AGAP1: variants seen among roughly 807,000 people sequenced by gnomAD.
AGAP1 encodes the protein arf-GAP with GTPase, ANK repeat and PH domain-containing protein 1.
In AGAP1, 29 loss-of-function variants were observed where a neutral mutation model predicts 105.3. That is an observed-to-expected ratio of 0.28 (90% CI 0.21 to 0.38). The LOEUF (loss-of-function observed/expected upper bound fraction) is 0.38, where lower values mean the gene tolerates loss of function less well. Ranked by LOEUF, AGAP1 falls within the 10% of genes least tolerant of loss-of-function variation. AGAP1 has a pLI of 1.00. For missense variants in AGAP1, 998 were observed against 1,165.1 expected, an observed-to-expected ratio of 0.86 and a Z score of 2.09; for synonymous variants, 509 against 485.9, an observed-to-expected ratio of 1.05 and a Z score of -0.63.
chr2:236,016,799 C>G (rs142973311), intron 13 of AGAP1, among the ~76,000 whole-genome samples: 6 of 152,168 alleles, frequency 3.9e-5, no homozygotes, highest in African/African-American at 1.2e-4. Flanking sequence ...CCTGGGGATA[C>G]TAAATAGTGA....
chr2:235,826,935 G>C (rs1282919311), intron 9 of AGAP1, among the ~76,000 whole-genome samples: 1 of 152,120 alleles, frequency 6.6e-6, no homozygotes, highest in Non-Finnish European at 1.5e-5. Context: ...CACTAACTTT[G>C]ATTAAGTTAG....
chr2:235,730,969 C>A (rs188355221), intron 3 of AGAP1, among the ~76,000 whole-genome samples: 1 of 152,274 alleles, frequency 6.6e-6, no homozygotes, highest in Admixed American at 6.5e-5. Flanking sequence ...AGCTTACCCC[C>A]AACCCCCAGC....
In AGAP1 at chr2:235,867,942, T is replaced by C. The variant is rs1389506836; in HGVS notation, c.1051-15403T>C. ...GTTTGGTTCCTGTCAGCCACAGTTT[T>C]AATACATGTTTATAGGGGGAAAAAT... On this transcript the variant is annotated intron_variant, in intron 9 of 17. Transcript: ENST00000304032. This position sits in a 1 kb window ranked among gnomAD's most constrained non-coding sequence, Gnocchi z 5.4. Among the ~76,000 whole-genome samples, 2 of 152,192 alleles carry C rather than the reference T, an allele frequency of 1.3e-5. No individual in the cohort carries two copies. The highest frequency in any genetic ancestry group is 1.9e-4 in the East Asian group (1 of 5,196).
In AGAP1 at chr2:235,951,825, A is replaced by G. The variant is rs1282871385; in HGVS notation, c.1484-16637A>G. Among the ~76,000 whole-genome samples, 2 of 152,100 alleles carry G rather than the reference A, an allele frequency of 1.3e-5. No individual in the cohort carries two copies. Among genetic ancestry groups the G allele is most frequent in the Non-Finnish European group, 2.9e-5 (2 of 68,020 alleles). On this transcript the variant is annotated intron_variant, in intron 12 of 17. Transcript: ENST00000304032. This position sits in a 1 kb window ranked among gnomAD's most constrained non-coding sequence, Gnocchi z 4.2. ...ACACAGGCAGTTTTTACACCAGCCA[A>G]ACTTAGAGCTTCATAAATGCAGGAA...
chr2:235,940,365 C>G (rs1415830562), intron 12 of AGAP1, among the ~76,000 whole-genome samples: 1 of 152,192 alleles, frequency 6.6e-6, no homozygotes, highest in African/African-American at 2.4e-5. Flanking sequence ...ATTGCCACTC[C>G]CCACACCCAC....
Position 236,001,644 on chromosome 2 carries a change from G to A in AGAP1, c.1645+33021G>A, listed in dbSNP as rs919096369. On this transcript the variant is annotated intron_variant, in intron 13 of 17. Transcript: ENST00000304032. The surrounding 1 kb of genome is among the most constrained non-coding windows in gnomAD (Gnocchi z 4.7). ...GAGGCCAGGGCCGGGAGACCAGGAG[G>A]CCGAGAGCGGTAGAACGTCACATCC... is the stretch of plus-strand genomic sequence containing the variant. Among the ~76,000 whole-genome samples, 1 of 152,180 alleles carries A rather than the reference G, an allele frequency of 6.6e-6. No homozygotes were observed. Among genetic ancestry groups the A allele is most frequent in the South Asian group, 2.1e-4 (1 of 4,832 alleles).
In AGAP1 at chr2:236,124,061, A is replaced by G. The variant is rs763263091; in HGVS notation, c.2513A>G (p.Asn838Ser). ...CGCTTCGTGCTCATGGCCACCCCTA[A>G]CCTGTCCAGGAGAAACAATAACCGG... Reference protein sequence around the residue: ...DERFVLMATPNLSRRNNNRNN... With the variant: ...DERFVLMATPSLSRRNNNRNN... Residue 838 changes from asparagine (N) to serine (S), a missense_variant, in exon 18 of 18, where the codon AAC becomes AGC. Physicochemically the swap from Asn to Ser is conservative, Grantham distance 46. Transcript: ENST00000304032. The surrounding 1 kb of genome is among the most constrained non-coding windows in gnomAD (Gnocchi z 5.1). 4.0e-5 allele frequency: 65 copies of G among 1,613,852 alleles called. No homozygotes were observed. The highest frequency in any genetic ancestry group is 1.7e-4 in the Admixed American group (10 of 59,986).
At chr2:235,760,498 A>T (rs1291371097) in intron 6 of AGAP1, among the ~76,000 whole-genome samples, 1 of 152,276 alleles carries the variant, frequency 6.6e-6, no homozygotes, top group African/African-American at 2.4e-5. Context: ...TCCTTAAATC[A>T]TCCAAGTGTT....
intron 16 of AGAP1, among the ~76,000 whole-genome samples, chr2:236,116,720 C>CTG (rs2059780174): frequency 6.6e-6 from 1 of 152,070 alleles, no homozygotes; most frequent in Non-Finnish European, 1.5e-5. Context: ...ATACTGCACC[C>CTG]TATTTGTAGT....
intron 9 of AGAP1, among the ~76,000 whole-genome samples, chr2:235,816,234 G>A (rs538496606): frequency 4.0e-5 from 6 of 151,578 alleles, no homozygotes; most frequent in African/African-American, 9.7e-5. Context: ...TCAGGAGATC[G>A]AGACCATCCT....
rs904648079 is a variant in AGAP1 at position 235,919,229 on chromosome 2, C to A, written c.1324+10323C>A. ...TGAGAACCGAGGCCTTGGGAAAGGG[C>A]TTCTGGTTCTTCCAGGCTAGAGTTG... On this transcript the variant is annotated intron_variant, in intron 11 of 17. Coordinates refer to ENST00000304032, the MANE Select transcript of AGAP1 (RefSeq NM_001037131.3). The surrounding 1 kb of genome is among the most constrained non-coding windows in gnomAD (Gnocchi z 4.1). Among the ~76,000 whole-genome samples the A allele has an allele frequency of 3.3e-5, 5 of 152,180 alleles. No individual in the cohort carries two copies. The highest frequency in any genetic ancestry group is 6.5e-5 in the Admixed American group (1 of 15,284).
chr2:235,935,008 A>G (rs2052920242), intron 12 of AGAP1, among the ~76,000 whole-genome samples: 3 of 152,084 alleles, frequency 2.0e-5, no homozygotes, highest in South Asian at 2.1e-4. Context: ...AGAAACTCCT[A>G]ATTAGATAGA....
chr2:236,053,679 G>A lies in AGAP1; in HGVS notation c.2114+4398G>A, dbSNP rs2057973261. 6.6e-6 allele frequency among the ~76,000 whole-genome samples: 1 copy of A among 152,220 alleles called. No homozygotes were observed. The highest frequency in any genetic ancestry group is 2.4e-5 in the African/African-American group (1 of 41,458). On this transcript the variant is annotated intron_variant, in intron 16 of 17. Coordinates refer to ENST00000304032, the MANE Select transcript of AGAP1 (RefSeq NM_001037131.3). The surrounding 1 kb of genome is among the most constrained non-coding windows in gnomAD (Gnocchi z 4.6). ...GCATTTGGCCCCCAAGGCCCTGCAG[G>A]GACTCGCTGCTATTTGCATTTCAGT...
chr2:235,682,682 G>C (rs1291700833), intron 1 of AGAP1, among the ~76,000 whole-genome samples: 1 of 152,028 alleles, frequency 6.6e-6, no homozygotes, highest in Non-Finnish European at 1.5e-5. Context: ...GTGACCTTTA[G>C]CAAGTTATTT....
rs1055082819 is a variant in AGAP1, at chr2:235,874,559, C to G, written c.1051-8786C>G. On this transcript the variant is annotated intron_variant, in intron 9 of 17. Transcript: ENST00000304032. This position sits in a 1 kb window ranked among gnomAD's most constrained non-coding sequence, Gnocchi z 4.5. ...GCACTTTGCAGGGAGCTAAGAGGCT[C>G]GGCTGCTAACAGCAGACGGGTTTGG... Among the ~76,000 whole-genome samples, 1 of 152,138 alleles carries G rather than the reference C, an allele frequency of 6.6e-6. No homozygotes were observed. The highest frequency in any genetic ancestry group is 1.5e-5 in the Non-Finnish European group (1 of 68,022).
chr2:236,074,443 A>C (rs919208150), intron 16 of AGAP1, among the ~76,000 whole-genome samples: 2 of 152,176 alleles, frequency 1.3e-5, no homozygotes, highest in East Asian at 3.9e-4. Flanking sequence ...AGCAGTTTTT[A>C]TCTGGCATGG....
Position 235,729,406 on chromosome 2 carries a change from G to C in AGAP1, c.311-11557G>C, listed in dbSNP as rs1223714940. Among the ~76,000 whole-genome samples, 2 of 152,158 alleles carry C rather than the reference G, an allele frequency of 1.3e-5. No homozygotes were observed. Among genetic ancestry groups the C allele is most frequent in the African/African-American group, 2.4e-5 (1 of 41,398 alleles). On this transcript the variant is annotated intron_variant, in intron 3 of 17. Coordinates refer to ENST00000304032, the MANE Select transcript of AGAP1 (RefSeq NM_001037131.3). The surrounding 1 kb of genome is among the most constrained non-coding windows in gnomAD (Gnocchi z 5.0). ...ATGCAGCTCGTTCCAAGATGTTCCAGAGGCAGGAGGTTCCTGGAAGAACCA... is the reference window on the plus strand; with the variant it reads ...ATGCAGCTCGTTCCAAGATGTTCCACAGGCAGGAGGTTCCTGGAAGAACCA...
chr2:235,739,309 G>C lies in AGAP1; in HGVS notation c.311-1654G>C, dbSNP rs759430806. 7.9e-5 allele frequency among the ~76,000 whole-genome samples: 12 copies of C among 152,240 alleles called. No individual in the cohort carries two copies. The highest frequency in any genetic ancestry group is 1.2e-4 in the Non-Finnish European group (8 of 68,046). ...ACCTGTGTCAGATGTTTCCCAGCTT[G>C]TTTCATGATGACAACAGCTCTGCTA... is the stretch of plus-strand genomic sequence containing the variant. On this transcript the variant is annotated intron_variant, in intron 3 of 17. Coordinates refer to ENST00000304032, the MANE Select transcript of AGAP1 (RefSeq NM_001037131.3). This position sits in a 1 kb window ranked among gnomAD's most constrained non-coding sequence, Gnocchi z 5.3.
At chr2:235,839,938 G>C (rs1960616169) in intron 9 of AGAP1, among the ~76,000 whole-genome samples, 1 of 152,200 alleles carries the variant, frequency 6.6e-6, no homozygotes, top group Non-Finnish European at 1.5e-5. Context: ...GTTAAAATGA[G>C]AAAGTCAATG....
Sources: gnomAD v4.1 joint callset for allele counts (sites outside exome capture counted in the v4.1 genomes callset) on GRCh38, gnomAD v4.1.1 for gene constraint, Gnocchi (gnomAD v3.1) non-coding constraint, MANE v1.5 for transcripts, NCBI Gene and HGNC (gene_info 2026-07-23, HGNC 2026-07-21) for gene names.